Variants in PRMT9 observed in about 807,000 individuals in gnomAD.
The protein encoded by PRMT9 is protein arginine methyltransferase 9, also known as protein arginine N-methyltransferase 9.
A neutral mutation model predicts 83.2 loss-of-function variants in PRMT9; 59 were observed. The ratio of observed to expected loss-of-function variants is 0.71; its 90% CI spans 0.57 to 0.88. PRMT9 has a LOEUF of 0.88. Among genes scored for constraint, PRMT9 ranks in the 40% least tolerant of loss-of-function variants. The pLI is 0.00. For missense variants in PRMT9, 947 were observed against 1,021.9 expected, an observed-to-expected ratio of 0.93 and a Z score of 1.00; for synonymous variants, 333 against 353.2, an observed-to-expected ratio of 0.94 and a Z score of 0.64.
At chr4:147,666,700 G>T (rs1735361278) in intron 6 of PRMT9, among the ~76,000 whole-genome samples, 1 of 151,790 alleles carries the variant, frequency 6.6e-6, no homozygotes, top group African/African-American at 2.4e-5. Context: ...CTGATTAGGT[G>T]CCAAATGGCA....
chr4:147,662,589 C>T (rs116016359), intron 6 of PRMT9, among the ~76,000 whole-genome samples: 5 of 152,188 alleles, frequency 3.3e-5, no homozygotes, highest in Admixed American at 6.5e-5. Context: ...TCACTTGAGT[C>T]CAGGAGTTAA....
In PRMT9 at chr4:147,642,892, C is replaced by G. The variant is rs746731362; in HGVS notation, c.2094G>C (p.Met698Ile). ...TCTGTGATTCCACAAGCAACCCAAA[C>G]ATCAGCACATACTGAGGAAAGATCT... ...GGKIFPQYVL[M>I]FGLLVESQTL... is the part of the protein sequence containing the mutation. Residue 698 changes from methionine (M) to isoleucine (I), a missense_variant, in exon 10 of 12, where the codon ATG (methionine) becomes ATC (isoleucine). Met to Ile is a conservative substitution (Grantham distance 10, BLOSUM62 1). Transcript: ENST00000322396. 1 of 1,614,094 alleles carries G rather than the reference C, an allele frequency of 6.2e-7. No individual in the cohort carries two copies. The highest frequency in any genetic ancestry group is 8.5e-7 in the Non-Finnish European group (1 of 1,179,956).
At chr4:147,667,379 A>T (rs140381300) in intron 6 of PRMT9, among the ~76,000 whole-genome samples, 2 of 152,330 alleles carry the variant, frequency 1.3e-5, no homozygotes, top group East Asian at 3.9e-4. Context: ...TTACATGAAA[A>T]GGCTCACAAA....
chr4:147,638,726 T>C lies in PRMT9; in HGVS notation c.2344A>G (p.Arg782Gly). 3.1e-6 allele frequency: 5 copies of C among 1,612,646 alleles called. No homozygotes were observed. The highest frequency in any genetic ancestry group is 3.4e-6 in the Non-Finnish European group (4 of 1,178,942). Residue 782 changes from arginine to glycine, a missense_variant, in exon 12 of 12, where the codon AGA becomes GGA. Physicochemically the swap from Arg to Gly is moderately radical, Grantham distance 125. Transcript: ENST00000322396. ...TACCAAAATGGAATAGCAGTCAGTCTTCCAGATTTACAAACGTATACCTAT... is the reference window on the plus strand; with the variant it reads ...TACCAAAATGGAATAGCAGTCAGTCCTCCAGATTTACAAACGTATACCTAT... Reference protein sequence around the residue: ...EVKVYVCKSGRLTAIPFWYHM... With the variant: ...EVKVYVCKSGGLTAIPFWYHM...
chr4:147,662,177 G>A (rs940903314), intron 6 of PRMT9, among the ~76,000 whole-genome samples: 1 of 152,118 alleles, frequency 6.6e-6, no homozygotes, highest in African/African-American at 2.4e-5. Flanking sequence ...TCATATAATG[G>A]AGTATGATTC....
rs146854725 is a variant in PRMT9, at chr4:147,668,560, G to A, written c.932C>T (p.Ala311Val). The change falls in exon 6 of 12, where the codon GCA (alanine) becomes GTA (valine). Residue 311 changes from alanine to valine, a missense_variant. Transcript: ENST00000322396. ...TTACCTATGATGTCTTCTTATCTCT[G>A]CACATTCTACTGCCATCCCAAATAT... ...AVIFGMAVEC[A>V]EIRRHHRVGI... The A allele has an allele frequency of 5.0e-3, 7,932 of 1,602,414 alleles. 29 individuals are homozygous for A. The highest frequency in any genetic ancestry group is 6.0e-3 in the Non-Finnish European group (7,014 of 1,170,524).
intron 2 of PRMT9, among the ~76,000 whole-genome samples, chr4:147,677,437 CAGGT>C (rs1461133632): frequency 6.9e-6 from 1 of 145,142 alleles, no homozygotes; most frequent in Non-Finnish European, 1.5e-5. Context: ...TCTGTCTTGA[CAGGT>C]AGAATTTTTT....
At chr4:147,676,069 C>T (rs969536062) in intron 2 of PRMT9, among the ~76,000 whole-genome samples, 17 of 152,186 alleles carry the variant, frequency 1.1e-4, no homozygotes, top group East Asian at 1.9e-4. Flanking sequence ...CACATTCACA[C>T]TATCCCGAAT....
chr4:147,677,472 G>A (rs1471622925), intron 2 of PRMT9, among the ~76,000 whole-genome samples: 1 of 47,098 alleles, frequency 2.1e-5, no homozygotes, highest in Non-Finnish European at 3.9e-5. Context: ...TTTTTTTTTT[G>A]AGATGGAGTC....
chr4:147,661,060 G>A, intron 6 of PRMT9, 22 bp from the exon 7 acceptor site: 1 of 1,522,904 alleles, frequency 6.6e-7, no homozygotes, highest in Non-Finnish European at 9.1e-7. Flanking sequence ...GAAAATAGGG[G>A]AGGGGTAGGA....
intron 10 of PRMT9, 54 bp from the exon 11 acceptor site, chr4:147,639,136 C>CAA: frequency 6.3e-7 from 1 of 1,590,122 alleles, no homozygotes; most frequent in South Asian, 1.1e-5. Flanking sequence ...GGTCAGGGCT[C>CAA]AAGTTTTTCA....
intron 2 of PRMT9, among the ~76,000 whole-genome samples, chr4:147,675,455 T>C (rs1025091040): frequency 6.6e-6 from 1 of 152,220 alleles, no homozygotes; most frequent in African/African-American, 2.4e-5. Flanking sequence ...TTTTAAGTTA[T>C]CTTGAAGGTA....
chr4:147,639,053 G>A lies in PRMT9; in HGVS notation c.2229C>T (p.Ser743=), dbSNP rs772271661. Residue 743 remains serine, a synonymous_variant, in exon 11 of 12, where the codon TCC becomes TCT. Coordinates refer to ENST00000322396, the MANE Select transcript of PRMT9 (RefSeq NM_138364.4). ...TGCTTAAAGGTATACAGGGCAATGA[G>A]GATAGGTCCAAAAATACACGTATAG... is the stretch of plus-strand genomic sequence containing the variant. The part of the protein sequence containing the change: ...QVPIRVFLDL[S]SLPCIPLSKP... The A allele has an allele frequency of 3.1e-6, 5 of 1,613,190 alleles. No homozygotes were observed. Among genetic ancestry groups the A allele is most frequent in the East Asian group, 2.2e-5 (1 of 44,792 alleles).
chr4:147,669,841 C>T (rs1203343990), intron 5 of PRMT9, among the ~76,000 whole-genome samples: 1 of 152,098 alleles, frequency 6.6e-6, no homozygotes, highest in East Asian at 1.9e-4. Context: ...TTGTGGGCTA[C>T]AATAGAGGAT....
chr4:147,650,828 C>T (rs1041476726), intron 9 of PRMT9, among the ~76,000 whole-genome samples: 7 of 152,076 alleles, frequency 4.6e-5, no homozygotes, highest in Non-Finnish European at 8.8e-5. Flanking sequence ...CCAAGGCGGG[C>T]ACGGTGGCTC....
Position 147,683,907 on chromosome 4 carries a change from C to T in PRMT9, c.81G>A (p.Arg27=), listed in dbSNP as rs765816250. 5 of 1,613,404 alleles carry T rather than the reference C, an allele frequency of 3.1e-6. No individual in the cohort carries two copies. The East Asian group carries it at 1.1e-4, about 36-fold the overall frequency. Residue 27 remains arginine (R), a synonymous_variant, in exon 1 of 12, where the codon CGG becomes CGA. Coordinates refer to ENST00000322396, the MANE Select transcript of PRMT9 (RefSeq NM_138364.4). ...GACAGTGCTCTGCGCTCTGCAAGGACCGCGACACCAGCTCGTCCCGGCCGG... is the reference window on the plus strand; with the variant it reads ...GACAGTGCTCTGCGCTCTGCAAGGATCGCGACACCAGCTCGTCCCGGCCGG... The part of the protein sequence containing the change: ...GAAGRDELVS[R]SLQSAEHCLG...
At chr4:147,651,139 C>A (rs2126587800) in intron 9 of PRMT9, among the ~76,000 whole-genome samples, 1 of 151,826 alleles carries the variant, frequency 6.6e-6, no homozygotes, top group Non-Finnish European at 1.5e-5. Flanking sequence ...TAAATAAACC[C>A]ACAAATTATG....
At chr4:147,651,574 A>C (rs899783754) in intron 9 of PRMT9, among the ~76,000 whole-genome samples, 4 of 152,242 alleles carry the variant, frequency 2.6e-5, no homozygotes, top group Non-Finnish European at 5.9e-5. Flanking sequence ...GCAAGACTTG[A>C]ATAGATATTT....
chr4:147,644,561 G>C (rs200596731), intron 9 of PRMT9, among the ~76,000 whole-genome samples: 1 of 65,930 alleles, frequency 1.5e-5, no homozygotes, highest in African/African-American at 5.0e-5. Context: ...AAAAAAAAAA[G>C]AATGCCTCTT....
Sources: gnomAD v4.1 joint callset for allele counts (sites outside exome capture counted in the v4.1 genomes callset) on GRCh38, gnomAD v4.1.1 for gene constraint, MANE v1.5 for transcripts, NCBI Gene and HGNC (gene_info 2026-07-23, HGNC 2026-07-21) for gene names.